The following RMC1 variants were observed in gnomAD, a reference collection of about 807,000 sequenced individuals.
RMC1 encodes the protein regulator of MON1-CCZ1, also known as regulator of MON1-CCZ1 complex.
RMC1 carries 44 observed loss-of-function variants against 95.5 expected under a neutral mutation model. That is an observed-to-expected ratio of 0.46 (90% confidence interval 0.36 to 0.59). The LOEUF (loss-of-function observed/expected upper bound fraction) is 0.59, where lower values mean the gene tolerates loss of function less well. Among genes scored for constraint, RMC1 ranks in the 20% least tolerant of loss-of-function variants. The pLI, the probability that RMC1 is intolerant of heterozygous loss-of-function variation, is 0.00. For synonymous variants in RMC1, 320 were observed against 303.6 expected, an observed-to-expected ratio of 1.05 and a Z score of -0.56; for missense variants, 705 against 819.6, an observed-to-expected ratio of 0.86 and a Z score of 1.71.
chr18:23,504,628 A>G (rs574663499), intron 2 of RMC1, 181 bp downstream of exon 2: 5 of 537,212 alleles, frequency 9.3e-6, no homozygotes, highest in South Asian at 7.0e-5. Flanking sequence ...ACCTCTTGTC[A>G]GAGTGGAATA....
chr18:23,503,940 G>A (rs1026498139), intron 1 of RMC1, among the ~76,000 whole-genome samples: 2 of 152,010 alleles, frequency 1.3e-5, no homozygotes, highest in South Asian at 4.1e-4. Flanking sequence ...CCAGCTGCGC[G>A]GATGCAGTGG....
chr18:23,505,531 A>G (rs114206845), intron 2 of RMC1, among the ~76,000 whole-genome samples: 58 of 152,256 alleles, frequency 3.8e-4, no homozygotes, highest in African/African-American at 1.3e-3. Flanking sequence ...ATGAAATTAG[A>G]GCTTTATCTT....
At chr18:23,521,856 T>C (rs946103782) in intron 10 of RMC1, among the ~76,000 whole-genome samples, 2 of 152,200 alleles carry the variant, frequency 1.3e-5, no homozygotes, top group Non-Finnish European at 2.9e-5. Flanking sequence ...AGGGTCTTTC[T>C]TCTGTGCCTG....
At position 23,530,575 on chromosome 18, in the gene RMC1, A is replaced by G. The variant is rs771468080; in HGVS notation, c.1857A>G (p.Arg619=). The change falls in exon 19 of 20, where the codon CGA becomes CGG. Residue 619 remains arginine, a synonymous_variant. Coordinates refer to ENST00000269221, the MANE Select transcript of RMC1 (RefSeq NM_013326.5). ...CAATATTCCGCTTTTTTGAACAGCG[A>G]AACCAGCGTTTGCGAGGGAGCCCCA... ...FYTIFRFFEQ[R]NQRLRGSPNF... is the part of the protein sequence containing the mutation. The G allele has an allele frequency of 6.2e-7, 1 of 1,614,130 alleles. No homozygotes were observed. Among genetic ancestry groups the G allele is most frequent in the East Asian group, 2.2e-5 (1 of 44,888 alleles).
At chr18:23,508,291 AGCCCTTGGG>A (rs2057763771) in intron 4 of RMC1, among the ~76,000 whole-genome samples, 1 of 152,182 alleles carries the variant, frequency 6.6e-6, no homozygotes. Flanking sequence ...CAGTAGTGCT[AGCCCTTGGG>A]GCTGTCGTCT....
intron 15 of RMC1, 52 bp downstream of exon 15, chr18:23,529,350 A>G (rs769271573): frequency 6.4e-7 from 1 of 1,568,900 alleles, no homozygotes; most frequent in Admixed American, 2.0e-5. Context: ...AAAACAAGGA[A>G]GTTGCTGAAA....
At chr18:23,530,006 C>T (rs2058441584) in intron 16 of RMC1, 22 bp from the exon 17 acceptor site, 2 of 1,591,112 alleles carry the variant, frequency 1.3e-6, no homozygotes, top group African/African-American at 1.3e-5. Context: ...AGTGTTCTTT[C>T]ACTTTTTACT....
chr18:23,526,441 T>C (rs1382471598), intron 12 of RMC1, among the ~76,000 whole-genome samples, 196 bp from the exon 13 acceptor site: 6 of 152,154 alleles, frequency 3.9e-5, no homozygotes, highest in Non-Finnish European at 8.8e-5. Flanking sequence ...GTCATCCTCC[T>C]GTGGTAGACA....
At chr18:23,527,665 T>TATTGTATTTCTTA (rs2058345551) in intron 13 of RMC1, 130 bp from the exon 14 acceptor site, 1 of 583,554 alleles carries the variant, frequency 1.7e-6, no homozygotes, top group East Asian at 3.1e-5. Context: ...GTCTTTAAAG[T>TATTGTATTTCTTA]AGAGTGTCCT....
In RMC1 at chr18:23,510,343, A is replaced by G. The variant is rs1382349444; in HGVS notation, c.408+1064A>G. Among the ~76,000 whole-genome samples, 5 of 151,886 alleles carry G rather than the reference A, an allele frequency of 3.3e-5. No individual in the cohort carries two copies. In the East Asian group the frequency reaches 9.6e-4, roughly 29 times the overall value. Reference sequence around the variant, plus strand: ...ATCTCAAAAAAAAAAACAAAAACACAACAACATTAAAAAGTGGGCAAAGGC... The same window carrying G: ...ATCTCAAAAAAAAAAACAAAAACACGACAACATTAAAAAGTGGGCAAAGGC... On this transcript the variant is annotated intron_variant, in intron 5 of 19. Transcript: ENST00000269221.
chr18:23,530,722 A>G, intron 19 of RMC1, 110 bp downstream of exon 19: 2 of 960,494 alleles, frequency 2.1e-6, no homozygotes, highest in Non-Finnish European at 3.1e-6. Context: ...AAACAACACA[A>G]TTTGATAACA....
Position 23,503,579 on chromosome 18 carries a change from G to T in RMC1, c.-40G>T, listed in dbSNP as rs746545472. ...ACCGCGCATCCTGCTCCACTCTGGC[G>T]ACCGCCCCCGGGGCCCCCGCCGCGG... On this transcript the variant is annotated 5_prime_UTR_variant, in exon 1 of 20. Transcript: ENST00000269221. 1 of 1,484,110 alleles carries T rather than the reference G, an allele frequency of 6.7e-7. No homozygotes were observed. The highest frequency in any genetic ancestry group is 1.2e-5 in the South Asian group (1 of 83,074). The allele number at this position is 1,484,110 out of a possible 1,614,324, so 91.9% of individuals were successfully genotyped here.
At chr18:23,515,464 A>G (rs1906187102) in intron 5 of RMC1, among the ~76,000 whole-genome samples, 1 of 152,218 alleles carries the variant, frequency 6.6e-6, no homozygotes, top group Non-Finnish European at 1.5e-5. Context: ...CATTTCACTT[A>G]GTGGGTTTCT....
In RMC1 at chr18:23,503,708, G is replaced by A. The variant is rs769189517; in HGVS notation, c.90G>A (p.Glu30=). The A allele has an allele frequency of 2.5e-6, 4 of 1,590,248 alleles. No individual in the cohort carries two copies. The highest frequency in any genetic ancestry group is 2.2e-5 in the South Asian group (2 of 89,200). ...CTGTCAACTGCGTCTTCTTCGATGAGGCCAACAAGCAGGTCCGGCGCGCCC... is the reference window on the plus strand; with the variant it reads ...CTGTCAACTGCGTCTTCTTCGATGAAGCCAACAAGCAGGTCCGGCGCGCCC... ...ANPVNCVFFD[E]ANKQVFAVRS... Residue 30 remains glutamate (E), a synonymous_variant, in exon 1 of 20, where the codon GAG becomes GAA. Transcript: ENST00000269221.
chr18:23,525,125 T>C (rs2058259039), intron 12 of RMC1, among the ~76,000 whole-genome samples: 2 of 151,320 alleles, frequency 1.3e-5, no homozygotes, highest in South Asian at 4.2e-4. Flanking sequence ...TTTGTATTTT[T>C]AGTAGAGACG....
At chr18:23,525,434 TA>T (rs2058270095) in intron 12 of RMC1, among the ~76,000 whole-genome samples, 1 of 151,770 alleles carries the variant, frequency 6.6e-6, no homozygotes, top group South Asian at 2.1e-4. Flanking sequence ...ATAATAATAA[TA>T]ATTATTTTGA....
intron 5 of RMC1, among the ~76,000 whole-genome samples, chr18:23,514,919 A>G (rs907209165): frequency 1.3e-5 from 2 of 152,178 alleles, no homozygotes; most frequent in Non-Finnish European, 2.9e-5. Flanking sequence ...GGCTCTGTAC[A>G]GTGTTCTGTA....
Position 23,529,237 on chromosome 18 carries a change from A to G in RMC1, c.1355A>G (p.Gln452Arg), listed in dbSNP as rs777907083. 2.5e-6 allele frequency: 4 copies of G among 1,614,100 alleles called. No homozygotes were observed. The South Asian group carries it at 4.4e-5, about 18-fold the overall frequency. ...CTCCTCAAGAGGCCGGTGCGGACCC[A>G]GGCGGTGCTGGACCAGTCAGATGTG... is the stretch of plus-strand genomic sequence containing the variant. Reference protein sequence around the residue: ...SPLLKRPVRTQAVLDQSDVYT... With the variant: ...SPLLKRPVRTRAVLDQSDVYT... The change falls in exon 15 of 20, where the codon CAG becomes CGG. Residue 452 changes from glutamine (Q) to arginine (R), a missense_variant. Coordinates refer to ENST00000269221, the MANE Select transcript of RMC1 (RefSeq NM_013326.5).
chr18:23,520,417 CAG>C (rs927634324), intron 10 of RMC1, 104 bp downstream of exon 10: 16 of 908,106 alleles, frequency 1.8e-5, no homozygotes, highest in Admixed American at 5.2e-5. Flanking sequence ...GAGGAATAAA[CAG>C]AGATTCCCAG....
Sources: allele counts gnomAD v4.1 joint callset (sites outside exome capture counted in the v4.1 genomes callset), GRCh38; gene constraint gnomAD v4.1.1; transcripts MANE v1.5; gene names NCBI Gene and HGNC (gene_info 2026-07-23, HGNC 2026-07-21).